The following VSNL1 variants were observed in gnomAD, a reference collection of about 807,000 sequenced individuals.
VSNL1 encodes the protein visinin like 1.
Under a neutral mutation model 20.4 loss-of-function variants are expected in VSNL1, and 6 were observed. The ratio of observed to expected loss-of-function variants is 0.29; its 90% CI spans 0.16 to 0.58. The LOEUF (loss-of-function observed/expected upper bound fraction) is 0.58, where lower values mean the gene tolerates loss of function less well. VSNL1 is among the 20% of genes least tolerant of loss of function. VSNL1 has a pLI of 0.90. For synonymous variants in VSNL1, 93 were observed against 86.4 expected, an observed-to-expected ratio of 1.08 and a Z score of -0.42; for missense variants, 100 against 234.5, an observed-to-expected ratio of 0.43 and a Z score of 3.75.
chr2:17,651,005 G>GA (rs1292617328), intron 3 of VSNL1, among the ~76,000 whole-genome samples: 1 of 151,784 alleles, frequency 6.6e-6, no homozygotes, highest in Non-Finnish European at 1.5e-5. Context: ...CATGTGGCTT[G>GA]ATTTTCTCAT....
intron 1 of VSNL1, among the ~76,000 whole-genome samples, chr2:17,544,322 G>A (rs1364738642): frequency 2.0e-5 from 3 of 152,158 alleles, no homozygotes; most frequent in Non-Finnish European, 2.9e-5. Context: ...TTAGTTAGAT[G>A]TTACCTGATC....
chr2:17,558,223 A>G (rs1197942190), intron 1 of VSNL1, among the ~76,000 whole-genome samples: 1 of 152,232 alleles, frequency 6.6e-6, no homozygotes, highest in African/African-American at 2.4e-5. Context: ...TCAAATGAGC[A>G]TAGTATCATG....
intron 2 of VSNL1, among the ~76,000 whole-genome samples, chr2:17,637,067 C>G (rs1308539849): frequency 6.6e-6 from 1 of 152,172 alleles, no homozygotes; most frequent in East Asian, 1.9e-4. Context: ...CTGCCTCCAC[C>G]CTCTAGAGCT....
At chr2:17,652,172 A>T (rs1190469537) in intron 3 of VSNL1, among the ~76,000 whole-genome samples, 1 of 151,308 alleles carries the variant, frequency 6.6e-6, no homozygotes, top group Non-Finnish European at 1.5e-5. Context: ...ATATCAGAGT[A>T]TAACTAGACA....
At chr2:17,610,208 A>T (rs147263929) in intron 2 of VSNL1, among the ~76,000 whole-genome samples, 1 of 152,154 alleles carries the variant, frequency 6.6e-6, no homozygotes, top group African/African-American at 2.4e-5. Flanking sequence ...TACTTCATCC[A>T]TCCATGTATT....
At chr2:17,568,113 A>AT (rs1470701006) in intron 1 of VSNL1, among the ~76,000 whole-genome samples, 2 of 152,022 alleles carry the variant, frequency 1.3e-5, no homozygotes, top group African/African-American at 4.8e-5. Flanking sequence ...TGCTAGGCTT[A>AT]TTTTTTGGCC....
intron 2 of VSNL1, among the ~76,000 whole-genome samples, chr2:17,615,296 TCACTTAAAGTTTTCAC>T (rs1285793085): frequency 6.6e-6 from 1 of 152,206 alleles, no homozygotes; most frequent in African/African-American, 2.4e-5. Context: ...TATTTTTTTG[TCACTTAAAGTTTTCAC>T]AACATGTATG....
chr2:17,635,398 C>A (rs1665727910), intron 2 of VSNL1, among the ~76,000 whole-genome samples: 1 of 152,170 alleles, frequency 6.6e-6, no homozygotes, highest in South Asian at 2.1e-4. Context: ...AGGGGACTTG[C>A]CTTAGCAAGA....
chr2:17,559,423 C>A (rs868764970), intron 1 of VSNL1, among the ~76,000 whole-genome samples: 80 of 144,634 alleles, frequency 5.5e-4, no homozygotes, highest in East Asian at 3.2e-3. Context: ...AAAAAAACAA[C>A]AACAGCTTTT....
At chr2:17,584,283 C>A (rs1398966853) in intron 1 of VSNL1, among the ~76,000 whole-genome samples, 2 of 152,060 alleles carry the variant, frequency 1.3e-5, no homozygotes, top group African/African-American at 2.4e-5. Context: ...TGAGTAGAAA[C>A]TTTTCCAAAG....
At chr2:17,598,940 G>C (rs771449346) in intron 2 of VSNL1, among the ~76,000 whole-genome samples, 1 of 152,222 alleles carries the variant, frequency 6.6e-6, no homozygotes, top group Non-Finnish European at 1.5e-5. Context: ...ATGTTTGACT[G>C]ATTCATTTAT....
intron 1 of VSNL1, among the ~76,000 whole-genome samples, chr2:17,573,484 G>C (rs911441885): frequency 3.9e-5 from 6 of 152,274 alleles, no homozygotes; most frequent in African/African-American, 1.2e-4. Flanking sequence ...AAGTGAGGTG[G>C]AATAAATGAA....
intron 1 of VSNL1, among the ~76,000 whole-genome samples, chr2:17,568,755 T>C (rs1664014204): frequency 6.6e-6 from 1 of 152,216 alleles, no homozygotes; most frequent in African/African-American, 2.4e-5. Flanking sequence ...AATAATAGGG[T>C]CCATAATTAG....
intron 1 of VSNL1, among the ~76,000 whole-genome samples, chr2:17,570,621 A>G (rs778564293): frequency 2.0e-5 from 3 of 152,208 alleles, no homozygotes; most frequent in Non-Finnish European, 4.4e-5. Flanking sequence ...AGCATCTCCT[A>G]TATCAGCCAC....
chr2:17,581,396 T>G (rs2103365563), intron 1 of VSNL1, among the ~76,000 whole-genome samples: 1 of 152,342 alleles, frequency 6.6e-6, no homozygotes, highest in South Asian at 2.1e-4. Flanking sequence ...CCCACCCATA[T>G]CCATCAATGT....
chr2:17,545,751 A>T (rs1219432222), intron 1 of VSNL1, among the ~76,000 whole-genome samples: 6 of 152,150 alleles, frequency 3.9e-5, no homozygotes, highest in African/African-American at 1.4e-4. Flanking sequence ...ACAGAAATGG[A>T]ATAGTAAATT....
intron 2 of VSNL1, among the ~76,000 whole-genome samples, chr2:17,595,834 G>A (rs1028029071): frequency 4.6e-5 from 7 of 152,154 alleles, no homozygotes; most frequent in Admixed American, 6.5e-5. Flanking sequence ...ACATTTATTG[G>A]TAATCCTATA....
At chr2:17,614,966 G>C (rs1275207241) in intron 2 of VSNL1, among the ~76,000 whole-genome samples, 2 of 152,108 alleles carry the variant, frequency 1.3e-5, no homozygotes, top group Non-Finnish European at 2.9e-5. Flanking sequence ...GTTTCCCTCC[G>C]CTTCTTTCCA....
intron 1 of VSNL1, among the ~76,000 whole-genome samples, chr2:17,554,821 T>C (rs1435806350): frequency 6.6e-6 from 1 of 152,182 alleles, no homozygotes; most frequent in Non-Finnish European, 1.5e-5. Context: ...TTTTCCTCCA[T>C]TTTCAATATT....
Sources: gnomAD v4.1 joint callset for allele counts (sites outside exome capture counted in the v4.1 genomes callset) on GRCh38, gnomAD v4.1.1 for gene constraint, MANE v1.5 for transcripts, NCBI Gene and HGNC (gene_info 2026-07-23, HGNC 2026-07-21) for gene names.